IL1RAPL2: variants seen among roughly 807,000 people sequenced by gnomAD.
IL1RAPL2 encodes the protein X-linked interleukin-1 receptor accessory protein-like 2.
A neutral mutation model predicts 44.1 loss-of-function variants in IL1RAPL2; 3 were observed. The ratio of observed to expected loss-of-function variants is 0.07; its 90% CI spans 0.03 to 0.18. The LOEUF is 0.18. Among genes scored for constraint, IL1RAPL2 ranks in the 10% least tolerant of loss-of-function variants. IL1RAPL2 has a pLI of 1.00. For missense variants in IL1RAPL2, 391 were observed against 496.4 expected (o/e 0.79, Z 2.02); for synonymous variants, 181 against 178.8 (o/e 1.01, Z -0.10).
intron 6 of IL1RAPL2, among the ~76,000 whole-genome samples, chrX:105,636,360 A>G (rs2147837130): frequency 9.0e-6 from 1 of 111,585 alleles, no homozygotes; most frequent in African/African-American, 3.3e-5. Flanking sequence ...ATAATATTTA[A>G]AATGTGAGAT....
intron 2 of IL1RAPL2, among the ~76,000 whole-genome samples, chrX:105,120,846 C>A (rs904615121): frequency 8.9e-6 from 1 of 111,902 alleles, no homozygotes; most frequent in African/African-American, 3.2e-5. Flanking sequence ...GTAGCTCTCA[C>A]GGATTTGACT....
rs563428294 is a variant in IL1RAPL2 at position 105,289,713 on chromosome X, C to G, written c.697+22172C>G. ...TTGGTTTTGGACATTTGAGATGCCT[C>G]TTAGACATCTAAGTAGAAATGTTGG... On this transcript the variant is annotated intron_variant, in intron 5 of 10. Transcript: ENST00000372582. Among the ~76,000 whole-genome samples the G allele has an allele frequency of 6.3e-5, 7 of 111,460 alleles. No individual in the cohort carries two copies. The South Asian group carries it at 2.3e-3, about 36-fold the overall frequency.
At chrX:104,973,024 T>C (rs1490781783) in intron 2 of IL1RAPL2, among the ~76,000 whole-genome samples, 1 of 112,095 alleles carries the variant, frequency 8.9e-6, no homozygotes, top group Non-Finnish European at 1.9e-5. Context: ...TGGCAGTATT[T>C]AACAATACCC....
intron 5 of IL1RAPL2, among the ~76,000 whole-genome samples, chrX:105,445,906 T>C: frequency 9.0e-6 from 1 of 111,428 alleles, no homozygotes; most frequent in Non-Finnish European, 1.9e-5. Flanking sequence ...ATTAGATCAG[T>C]TTGGTCTCTA....
chrX:105,500,207 G>T (rs1451791107), intron 6 of IL1RAPL2, among the ~76,000 whole-genome samples: 2 of 110,751 alleles, frequency 1.8e-5, no homozygotes, highest in Admixed American at 9.6e-5. Context: ...CTGTTCAATG[G>T]GTATAGAGTT....
intron 2 of IL1RAPL2, among the ~76,000 whole-genome samples, chrX:105,112,519 G>A (rs1280544508): frequency 8.9e-6 from 1 of 112,475 alleles, no homozygotes; most frequent in African/African-American, 3.2e-5. Context: ...ATGCACGAAT[G>A]ACAGTGTCTC....
chrX:104,619,689 C>T (rs1181639943), intron 1 of IL1RAPL2, among the ~76,000 whole-genome samples: 1 of 112,174 alleles, frequency 8.9e-6, no homozygotes, highest in African/African-American at 3.2e-5. Context: ...CTACTGAAGA[C>T]GTGGGATGTC....
intron 2 of IL1RAPL2, among the ~76,000 whole-genome samples, chrX:104,877,224 C>T (rs1198214687): frequency 3.6e-4 from 40 of 111,269 alleles, no homozygotes; most frequent in African/African-American, 7.5e-4. Flanking sequence ...GCATGATTTA[C>T]AGTCCTTTGG....
At chrX:105,344,613 A>T (rs1013466654) in intron 5 of IL1RAPL2, among the ~76,000 whole-genome samples, 7 of 111,962 alleles carry the variant, frequency 6.3e-5, no homozygotes, top group Non-Finnish European at 1.1e-4. Flanking sequence ...TGGCAATTCA[A>T]TCCAGTATAG....
intron 2 of IL1RAPL2, among the ~76,000 whole-genome samples, chrX:104,941,297 G>T (rs1184949840): frequency 1.8e-5 from 2 of 111,448 alleles, no homozygotes; most frequent in Non-Finnish European, 3.8e-5. Flanking sequence ...CACAATGGTT[G>T]AACTAGTTTA....
chrX:105,410,481 G>C lies in IL1RAPL2; in HGVS notation c.698-73832G>C, dbSNP rs1569436889. ...CAGACTGCGCAAAGTGGAGACTATTGAGTGGTGGTAAAGGAAGCCTAATTA... is the reference window on the plus strand; with the variant it reads ...CAGACTGCGCAAAGTGGAGACTATTCAGTGGTGGTAAAGGAAGCCTAATTA... On this transcript the variant is annotated intron_variant, in intron 5 of 10. Coordinates refer to ENST00000372582, the MANE Select transcript of IL1RAPL2 (RefSeq NM_017416.2). Among the ~76,000 whole-genome samples, 3 of 110,833 alleles carry C rather than the reference G, an allele frequency of 2.7e-5. No homozygotes were observed. The Admixed American group carries it at 2.9e-4, about 11-fold the overall frequency.
chrX:104,573,488 C>T (rs962600444), intron 1 of IL1RAPL2, among the ~76,000 whole-genome samples: 1 of 112,029 alleles, frequency 8.9e-6, no homozygotes, highest in Non-Finnish European at 1.9e-5. Flanking sequence ...ACCAAAAACA[C>T]GTTCACAAAG....
At chrX:104,894,297 A>G (rs975092852) in intron 2 of IL1RAPL2, among the ~76,000 whole-genome samples, 11 of 110,861 alleles carry the variant, frequency 9.9e-5, no homozygotes, top group Non-Finnish European at 2.1e-4. Flanking sequence ...TCTTTGTGGC[A>G]TTCTCTGTAT....
At chrX:104,983,653 T>G (rs1411197419) in intron 2 of IL1RAPL2, among the ~76,000 whole-genome samples, 1 of 98,918 alleles carries the variant, frequency 1.0e-5, no homozygotes, top group Non-Finnish European at 2.0e-5. Context: ...TATAATATTA[T>G]GTACATAATA....
At chrX:104,641,473 C>G (rs1404388756) in intron 1 of IL1RAPL2, among the ~76,000 whole-genome samples, 1 of 112,026 alleles carries the variant, frequency 8.9e-6, no homozygotes, top group Non-Finnish European at 1.9e-5. Context: ...GTCCCTGCCA[C>G]TGGAGAGGGT....
intron 2 of IL1RAPL2, among the ~76,000 whole-genome samples, chrX:105,079,957 A>G (rs1334477751): frequency 8.9e-6 from 1 of 112,129 alleles, no homozygotes; most frequent in Non-Finnish European, 1.9e-5. Context: ...ACCAGTGATG[A>G]TGAGCTTTTA....
chrX:105,351,538 C>T (rs2035154273), intron 5 of IL1RAPL2, among the ~76,000 whole-genome samples: 1 of 110,559 alleles, frequency 9.0e-6, no homozygotes, highest in Admixed American at 9.7e-5. Flanking sequence ...GAACAGAAAA[C>T]CAAACACCAC....
chrX:105,707,988 A>T (rs1055914244), intron 6 of IL1RAPL2, among the ~76,000 whole-genome samples: 5 of 111,176 alleles, frequency 4.5e-5, no homozygotes, highest in Admixed American at 2.9e-4. Context: ...AAAATAGAGT[A>T]TAATGAATGG....
chrX:105,431,018 T>C (rs758462438), intron 5 of IL1RAPL2, among the ~76,000 whole-genome samples: 1 of 112,419 alleles, frequency 8.9e-6, no homozygotes, highest in Non-Finnish European at 1.9e-5. Context: ...TGAAGTCATA[T>C]GCTAGCTATT....
Sources: gnomAD v4.1 joint callset for allele counts (sites outside exome capture counted in the v4.1 genomes callset) on GRCh38, gnomAD v4.1.1 for gene constraint, MANE v1.5 for transcripts, NCBI Gene and HGNC (gene_info 2026-07-23, HGNC 2026-07-21) for gene names.